NBAS: variants seen among roughly 807,000 people sequenced by gnomAD.
NBAS encodes the protein NAG/BC035112 fusion.
Under a neutral mutation model 302.5 loss-of-function variants are expected in NBAS, and 219 were observed. That is an observed-to-expected ratio of 0.72 (90% confidence interval 0.65 to 0.81). The LOEUF is 0.81. Among genes scored for constraint, NBAS ranks in the 30% least tolerant of loss-of-function variants. The pLI is 0.00. For missense variants in NBAS, 2,932 were observed against 2,841.6 expected (o/e 1.03, Z -0.72); for synonymous variants, 1,118 against 1,021.6 (o/e 1.09, Z -1.80).
At chr2:15,333,033 T>C (rs769887802) in intron 35 of NBAS, among the ~76,000 whole-genome samples, 6 of 152,150 alleles carry the variant, frequency 3.9e-5, no homozygotes, top group Non-Finnish European at 5.9e-5. Flanking sequence ...AGCAGAGATA[T>C]AGAGAAATAA....
intron 43 of NBAS, 53 bp from the exon 44 acceptor site, chr2:15,275,871 G>C (rs971313288): frequency 4.6e-6 from 7 of 1,520,426 alleles, no homozygotes; most frequent in African/African-American, 1.4e-5. Context: ...TGTAAACATA[G>C]AGTCACTTTC....
intron 21 of NBAS, among the ~76,000 whole-genome samples, chr2:15,429,412 T>C (rs146825686): frequency 6.6e-6 from 1 of 152,346 alleles, no homozygotes; most frequent in East Asian, 1.9e-4. Context: ...GAAAAAGGAT[T>C]GTACTTTCTT....
chr2:15,333,088 T>C (rs547124552), intron 35 of NBAS, among the ~76,000 whole-genome samples: 40 of 152,250 alleles, frequency 2.6e-4, no homozygotes, highest in Non-Finnish European at 5.1e-4. Context: ...TTAACACATA[T>C]AGAGTATTAC....
intron 44 of NBAS, among the ~76,000 whole-genome samples, chr2:15,273,152 G>A (rs962617): frequency 0.55 from 84,251 of 151,938 alleles, 25,087 homozygotes; most frequent in East Asian, 0.85. Flanking sequence ...GGGTGGAGTG[G>A]AAAACTGCCT....
chr2:15,017,246 T>C, the NBAS span, among the ~76,000 whole-genome samples: 1 of 151,982 alleles, frequency 6.6e-6, no homozygotes, highest in South Asian at 2.1e-4. Flanking sequence ...CGTCAGGACA[T>C]GGATCTGGAA....
the NBAS span, among the ~76,000 whole-genome samples, chr2:14,987,163 TTTAAA>T: frequency 1.3e-5 from 2 of 152,076 alleles, no homozygotes; most frequent in South Asian, 2.1e-4. Context: ...GCACATGTAC[TTTAAA>T]TTAAACAATA....
the NBAS span, among the ~76,000 whole-genome samples, chr2:15,100,294 G>A: frequency 5.9e-5 from 9 of 152,178 alleles, no homozygotes; most frequent in Non-Finnish European, 1.0e-4. Flanking sequence ...CAGGATCACT[G>A]TAGAACCACA....
At chr2:14,847,271 T>C in the NBAS span, among the ~76,000 whole-genome samples, 1 of 150,364 alleles carries the variant, frequency 6.7e-6, no homozygotes, top group Non-Finnish European at 1.5e-5. Flanking sequence ...TAGTCCCAGC[T>C]ACTTGGGAGG....
chr2:15,217,261 C>T (rs1666693577), intron 48 of NBAS, among the ~76,000 whole-genome samples: 1 of 152,196 alleles, frequency 6.6e-6, no homozygotes, highest in African/African-American at 2.4e-5. Flanking sequence ...TTTTAAACTA[C>T]AATCCACTTC....
chr2:15,150,860 G>A, the NBAS span, among the ~76,000 whole-genome samples: 2 of 152,152 alleles, frequency 1.3e-5, no homozygotes, highest in African/African-American at 4.8e-5. Flanking sequence ...ATTGCTCAAA[G>A]TGCACATCTG....
intron 25 of NBAS, among the ~76,000 whole-genome samples, chr2:15,414,840 A>C (rs1676846058): frequency 6.6e-6 from 1 of 151,992 alleles, no homozygotes; most frequent in East Asian, 1.9e-4. Flanking sequence ...AGCTACTCGG[A>C]AGGCTGAGGC....
chr2:15,009,831 T>C, the NBAS span, among the ~76,000 whole-genome samples: 1 of 151,766 alleles, frequency 6.6e-6, no homozygotes, highest in Admixed American at 6.6e-5. Flanking sequence ...AATGTGGACC[T>C]AATATCTCTA....
intron 11 of NBAS, among the ~76,000 whole-genome samples, chr2:15,491,027 C>T (rs1268325739): frequency 6.6e-6 from 1 of 152,030 alleles, no homozygotes; most frequent in Non-Finnish European, 1.5e-5. Flanking sequence ...GCAATATGAC[C>T]GAAAGCACTG....
At chr2:14,900,786 G>A in the NBAS span, among the ~76,000 whole-genome samples, 4 of 152,300 alleles carry the variant, frequency 2.6e-5, no homozygotes, top group East Asian at 7.7e-4. Flanking sequence ...TATGCACAGG[G>A]CATAGTAACT....
chr2:15,048,285 C>A, the NBAS span, among the ~76,000 whole-genome samples: 7 of 152,334 alleles, frequency 4.6e-5, no homozygotes, highest in African/African-American at 1.2e-4. Flanking sequence ...TCCATCCGTG[C>A]CGGATGCTCT....
At chr2:15,439,811 C>T (rs918432239) in intron 21 of NBAS, among the ~76,000 whole-genome samples, 5 of 152,198 alleles carry the variant, frequency 3.3e-5, no homozygotes, top group African/African-American at 7.2e-5. Flanking sequence ...ACGAATACTG[C>T]GCTTTTCCAA....
chr2:14,898,672 C>T, the NBAS span, among the ~76,000 whole-genome samples: 7 of 152,172 alleles, frequency 4.6e-5, no homozygotes, highest in South Asian at 2.1e-4. Context: ...TCAGGGGTTT[C>T]TGCTTTTATG....
intron 15 of NBAS, 148 bp from the exon 16 acceptor site, chr2:15,473,495 A>C: frequency 9.8e-7 from 1 of 1,018,324 alleles, no homozygotes; most frequent in Non-Finnish European, 1.5e-6. Flanking sequence ...GCTCACAGAT[A>C]TTTTGAGGAG....
chr2:15,198,523 T>C (rs1014172661), intron 48 of NBAS, among the ~76,000 whole-genome samples: 1 of 152,000 alleles, frequency 6.6e-6, no homozygotes, highest in African/African-American at 2.4e-5. Context: ...TGAGTAGTAG[T>C]TTGTGGCTCA....
Sources: allele counts gnomAD v4.1 joint callset (sites outside exome capture counted in the v4.1 genomes callset), GRCh38; gene constraint gnomAD v4.1.1; transcripts MANE v1.5; gene names NCBI Gene and HGNC (gene_info 2026-07-23, HGNC 2026-07-21).